ZNRF1: variants seen among roughly 807,000 people sequenced by gnomAD.
The protein encoded by ZNRF1 is E3 ubiquitin-protein ligase ZNRF1.
ZNRF1 carries 3 observed loss-of-function variants against 18.4 expected under a neutral mutation model. The ratio of observed to expected loss-of-function variants is 0.16; its 90% CI spans 0.07 to 0.42. The LOEUF is 0.42. ZNRF1 is among the 10% of genes least tolerant of loss of function. The probability of loss-of-function intolerance (pLI) is 0.99; values close to 1 mark genes in which losing one functional copy is unlikely to be tolerated. For missense variants in ZNRF1, 310 were observed against 329.8 expected (o/e 0.94, Z 0.47); for synonymous variants, 157 against 144.2 (o/e 1.09, Z -0.64).
chr16:75,058,783 C>T (rs2035700573), intron 1 of ZNRF1, among the ~76,000 whole-genome samples: 1 of 152,156 alleles, frequency 6.6e-6, no homozygotes, highest in Admixed American at 6.5e-5. Context: ...AGAGTTGTTC[C>T]ACATCCTCGT....
intron 1 of ZNRF1, among the ~76,000 whole-genome samples, chr16:75,070,577 T>C (rs1382926602): frequency 6.6e-6 from 1 of 152,186 alleles, no homozygotes; most frequent in Non-Finnish European, 1.5e-5. Flanking sequence ...AAAGGAGTGC[T>C]TATATTACAT....
intron 1 of ZNRF1, among the ~76,000 whole-genome samples, chr16:75,080,734 G>A (rs1034982616): frequency 6.6e-6 from 1 of 152,166 alleles, no homozygotes; most frequent in African/African-American, 2.4e-5. Flanking sequence ...AGCTGGGCAT[G>A]GTGGCGCACT....
At chr16:75,105,666 C>G (rs2036306963) in intron 3 of ZNRF1, 1 of 152,282 alleles carries the variant, frequency 6.6e-6, no homozygotes, top group South Asian at 2.1e-4. Context: ...TGGTCTAGCT[C>G]CCAGCACGGA....
At chr16:75,028,932 TC>T (rs958387718) in intron 1 of ZNRF1, among the ~76,000 whole-genome samples, 8 of 152,188 alleles carry the variant, frequency 5.3e-5, no homozygotes, top group Admixed American at 3.3e-4. Flanking sequence ...CCTCTTTATC[TC>T]TCTACCTCAA....
At chr16:75,025,242 G>C (rs1457470905) in intron 1 of ZNRF1, among the ~76,000 whole-genome samples, 1 of 151,900 alleles carries the variant, frequency 6.6e-6, no homozygotes, top group Non-Finnish European at 1.5e-5. Context: ...TAATTTTTTT[G>C]TATTTTTAGT....
chr16:75,024,969 T>G (rs1175811942), intron 1 of ZNRF1, among the ~76,000 whole-genome samples: 29 of 152,242 alleles, frequency 1.9e-4, no homozygotes. Flanking sequence ...GAAAGCACAT[T>G]ATGCTTGTTT....
chr16:75,044,668 T>A (rs1306719032), intron 1 of ZNRF1, among the ~76,000 whole-genome samples: 1 of 152,218 alleles, frequency 6.6e-6, no homozygotes, highest in African/African-American at 2.4e-5. Context: ...CCCAAGCTCT[T>A]GACTTTCAGG....
chr16:75,061,257 T>G (rs1470242349), intron 1 of ZNRF1, among the ~76,000 whole-genome samples: 1 of 152,172 alleles, frequency 6.6e-6, no homozygotes, highest in African/African-American at 2.4e-5. Flanking sequence ...ATTCATTTTT[T>G]CTATTATTTT....
At chr16:75,025,191 T>C (rs185579503) in intron 1 of ZNRF1, among the ~76,000 whole-genome samples, 3,507 of 152,080 alleles carry the variant, frequency 0.023, 118 homozygotes, top group African/African-American at 0.072. Flanking sequence ...CCTCAGCCTC[T>C]TGAGTAGCTG....
intron 1 of ZNRF1, among the ~76,000 whole-genome samples, chr16:75,005,367 G>A (rs1287940705): frequency 3.3e-5 from 5 of 152,162 alleles, no homozygotes; most frequent in African/African-American, 4.8e-5. Context: ...CTCTTAAAGC[G>A]TTTGCTTTAT....
rs147310447 is a variant in ZNRF1, at chr16:75,020,604, C to T, written c.424+20509C>T. Reference sequence around the variant, plus strand: ...TCACCCAGGCTGGAGTTCAGTGGCGCGATCTTGGCTCACTGCAGGCCCCGC... The same window carrying T: ...TCACCCAGGCTGGAGTTCAGTGGCGTGATCTTGGCTCACTGCAGGCCCCGC... On this transcript the variant is annotated intron_variant, in intron 1 of 4. Transcript: ENST00000335325. Among the ~76,000 whole-genome samples the T allele has an allele frequency of 4.6e-3, 699 of 151,762 alleles. 4 individuals are homozygous for T. The highest frequency in any genetic ancestry group is 0.016 in the African/African-American group (651 of 41,362).
chr16:75,070,150 G>A (rs1031063641), intron 1 of ZNRF1, among the ~76,000 whole-genome samples: 1 of 152,160 alleles, frequency 6.6e-6, no homozygotes, highest in African/African-American at 2.4e-5. Context: ...GGGTTGACCA[G>A]ATGTCCCTTC....
intron 1 of ZNRF1, among the ~76,000 whole-genome samples, chr16:75,079,714 G>A (rs2035986740): frequency 6.6e-6 from 1 of 152,146 alleles, no homozygotes; most frequent in South Asian, 2.1e-4. Context: ...CCTCTTAGAT[G>A]CCATTTCAAA....
rs1442126101 is a variant in ZNRF1, at chr16:75,050,880, AAAAAAAAACAAAAAAAAAC to A, written c.425-42685_425-42667del. On this transcript the variant is annotated intron_variant, in intron 1 of 4. Coordinates refer to ENST00000335325, the MANE Select transcript of ZNRF1 (RefSeq NM_032268.5). Reference sequence around the variant, plus strand: ...AGCAAGACTCCGTCTCAAAAAAAAAAAAAAAAAACAAAAAAAAACAAAAAACTTGTAGCCAGGTACAGTG... The same window carrying A: ...AGCAAGACTCCGTCTCAAAAAAAAAAAAAAAACTTGTAGCCAGGTACAGTG... Among the ~76,000 whole-genome samples, 38 of 115,016 alleles carry A rather than the reference AAAAAAAAACAAAAAAAAAC, an allele frequency of 3.3e-4. 1 individual carries two copies. The highest frequency in any genetic ancestry group is 1.0e-3 in the African/African-American group (27 of 26,142). The allele number at this position is 115,016 out of a possible 152,430, so 75.5% of individuals were successfully genotyped here.
At chr16:75,014,680 G>C (rs753372320) in intron 1 of ZNRF1, among the ~76,000 whole-genome samples, 1 of 152,074 alleles carries the variant, frequency 6.6e-6, no homozygotes, top group African/African-American at 2.4e-5. Flanking sequence ...GTGCATGCGT[G>C]CATGTGTGTG....
intron 1 of ZNRF1, among the ~76,000 whole-genome samples, chr16:75,005,924 G>C (rs1461737794): frequency 6.6e-6 from 1 of 152,158 alleles, no homozygotes; most frequent in African/African-American, 2.4e-5. Flanking sequence ...GACCTAGGTG[G>C]TATAGCCTGC....
Position 75,071,802 on chromosome 16 carries a change from T to G in ZNRF1, c.425-21770T>G, listed in dbSNP as rs376749389. ...CCTTTCTGATCCAACCACATCATTA[T>G]TCTTCCAGTTCTTTGAAACAATAAT... On this transcript the variant is annotated intron_variant, in intron 1 of 4. Coordinates refer to ENST00000335325, the MANE Select transcript of ZNRF1 (RefSeq NM_032268.5). Among the ~76,000 whole-genome samples, 6 of 152,304 alleles carry G rather than the reference T, an allele frequency of 3.9e-5. No individual in the cohort carries two copies. The East Asian group carries it at 5.8e-4, about 15-fold the overall frequency.
rs1287695216 is a variant in ZNRF1, at chr16:75,110,732, G to C, written c.*3032G>C. 2 of 152,258 alleles carry C rather than the reference G, an allele frequency of 1.3e-5. No individual in the cohort carries two copies. Among genetic ancestry groups the C allele is most frequent in the Non-Finnish European group, 2.9e-5 (2 of 68,054 alleles). The allele number at this position is 152,258 out of a possible 1,614,324, so 9.4% of individuals were successfully genotyped here. A position where few individuals can be genotyped will look rare whatever the true frequency, so the allele number is the denominator to read the frequency against. On this transcript the variant is annotated 3_prime_UTR_variant, in exon 5 of 5. Coordinates refer to ENST00000335325, the MANE Select transcript of ZNRF1 (RefSeq NM_032268.5). ...ATGGTCATTTGCTGAGCGCCTCCTA[G>C]TTGCCAGGCACTGGAGGGCGCATCA...
intron 1 of ZNRF1, among the ~76,000 whole-genome samples, chr16:75,085,715 CTTTAAAGTTT>C (rs1483999004): frequency 6.7e-6 from 1 of 150,008 alleles, no homozygotes; most frequent in Non-Finnish European, 1.5e-5. Flanking sequence ...GTTGCTAGTC[CTTTAAAGTTT>C]TTGTTTGGTA....
Sources: allele counts gnomAD v4.1 joint callset (sites outside exome capture counted in the v4.1 genomes callset), GRCh38; gene constraint gnomAD v4.1.1; transcripts MANE v1.5; gene names NCBI Gene and HGNC (gene_info 2026-07-23, HGNC 2026-07-21).